The following CDH19 variants were observed in gnomAD, a reference collection of about 807,000 sequenced individuals.
CDH19 encodes cadherin 19.
A neutral mutation model predicts 64.2 loss-of-function variants in CDH19; 67 were observed. The ratio of observed to expected loss-of-function variants is 1.04; its 90% CI spans 0.86 to 1.28. The LOEUF is 1.28. Among genes scored for constraint, CDH19 ranks in the 50% most tolerant of loss-of-function variants. The probability of loss-of-function intolerance (pLI) is 0.00; values close to 1 mark genes in which losing one functional copy is unlikely to be tolerated. For missense variants in CDH19, 1,030 were observed against 929.0 expected (o/e 1.11, Z -1.41); for synonymous variants, 346 against 319.3 (o/e 1.08, Z -0.89).
At chr18:66,565,066 T>G (rs181993867) in intron 3 of CDH19, among the ~76,000 whole-genome samples, 5 of 152,050 alleles carry the variant, frequency 3.3e-5, no homozygotes, top group Admixed American at 2.0e-4. Flanking sequence ...ACCCATGTAC[T>G]CACTCATTTA....
intron 8 of CDH19, among the ~76,000 whole-genome samples, chr18:66,533,549 G>T (rs1332890272): frequency 6.6e-6 from 1 of 151,886 alleles, no homozygotes; most frequent in East Asian, 1.9e-4. Context: ...CCTAAACTTT[G>T]CTTGAAATTA....
chr18:66,596,033 C>A (rs1208489202), intron 1 of CDH19: 1 of 152,052 alleles, frequency 6.6e-6, no homozygotes, highest in Non-Finnish European at 1.5e-5. Context: ...AAATGTGATT[C>A]ATAACATAAG....
intron 1 of CDH19, 111 bp from the exon 2 acceptor site, chr18:66,572,427 A>T (rs1302108606): frequency 1.4e-5 from 5 of 363,532 alleles, no homozygotes; most frequent in African/African-American, 4.1e-5. Flanking sequence ...AATAAAAATA[A>T]ACATTTAATT....
intron 9 of CDH19, among the ~76,000 whole-genome samples, chr18:66,516,871 AT>A (rs1985762435): frequency 1.3e-5 from 2 of 152,138 alleles, no homozygotes; most frequent in South Asian, 4.1e-4. Flanking sequence ...AAATTGATAC[AT>A]TAAAGACATA....
At chr18:66,540,906 A>C (rs561202776) in intron 7 of CDH19, among the ~76,000 whole-genome samples, 37 of 152,300 alleles carry the variant, frequency 2.4e-4, no homozygotes, top group South Asian at 1.0e-3. Context: ...GAAGTTCTTA[A>C]TAATTTTATG....
chr18:66,504,703 C>T lies in CDH19; in HGVS notation c.*109G>A, dbSNP rs1161957061. The T allele has an allele frequency of 4.3e-6, 5 of 1,158,582 alleles. No homozygotes were observed. Among genetic ancestry groups the T allele is most frequent in the Non-Finnish European group, 6.0e-6 (5 of 834,078 alleles). 71.8% of individuals were successfully genotyped at this position (1,158,582 alleles called of 1,614,324 possible). ...TTACTCCAGGGAAATCAGAAAACTC[C>T]ATAGACTAGGGCTTTCCCCGCCATA... is the stretch of plus-strand genomic sequence containing the variant. On this transcript the variant is annotated 3_prime_UTR_variant, in exon 12 of 12. Transcript: ENST00000262150.
At position 66,581,083 on chromosome 18, in the gene CDH19, G is replaced by T. The variant is rs141616986; in HGVS notation, c.-112-8767C>A. On this transcript the variant is annotated intron_variant, in intron 1 of 11. Coordinates refer to ENST00000262150, the MANE Select transcript of CDH19 (RefSeq NM_021153.4). ...TCTTGTTTATATTTTCCAATCAGAT[G>T]AATATGCTAAAAAATCTACCTAACA... Among the ~76,000 whole-genome samples, 128 of 152,128 alleles carry T rather than the reference G, an allele frequency of 8.4e-4. 2 individuals carry two copies. In the East Asian group the frequency reaches 0.022, roughly 27 times the overall value.
At chr18:66,560,720 C>T (rs1392754428) in intron 3 of CDH19, among the ~76,000 whole-genome samples, 1 of 151,948 alleles carries the variant, frequency 6.6e-6, no homozygotes, top group Non-Finnish European at 1.5e-5. Flanking sequence ...TCTTACTCTA[C>T]TGAAGAAGGG....
At chr18:66,547,375 A>T (rs1317489352) in intron 5 of CDH19, among the ~76,000 whole-genome samples, 1 of 152,016 alleles carries the variant, frequency 6.6e-6, no homozygotes, top group Non-Finnish European at 1.5e-5. Context: ...GTGTATGTGC[A>T]TTTGCTCCAA....
intron 9 of CDH19, among the ~76,000 whole-genome samples, chr18:66,521,108 A>G (rs936495023): frequency 6.6e-6 from 1 of 152,078 alleles, no homozygotes; most frequent in Non-Finnish European, 1.5e-5. Context: ...AATTCATCAA[A>G]CCAATCTATG....
intron 1 of CDH19, among the ~76,000 whole-genome samples, chr18:66,592,960 T>C (rs1408023296): frequency 2.6e-5 from 4 of 151,914 alleles, no homozygotes; most frequent in Non-Finnish European, 4.4e-5. Context: ...GTTCTATTTT[T>C]AGTTTTTGGA....
intron 9 of CDH19, among the ~76,000 whole-genome samples, chr18:66,526,100 T>C (rs1264110539): frequency 1.3e-5 from 2 of 152,096 alleles, no homozygotes; most frequent in Non-Finnish European, 2.9e-5. Context: ...GTGTGCATAA[T>C]CTAAAGAGAG....
chr18:66,518,979 A>G (rs72954408), intron 9 of CDH19, among the ~76,000 whole-genome samples: 1 of 152,150 alleles, frequency 6.6e-6, no homozygotes, highest in Non-Finnish European at 1.5e-5. Context: ...GTTACATCTT[A>G]TGTACCTGTA....
chr18:66,581,456 A>G (rs1988419049), intron 1 of CDH19, among the ~76,000 whole-genome samples: 2 of 152,052 alleles, frequency 1.3e-5, no homozygotes, highest in East Asian at 3.9e-4. Context: ...AGAGGAGATT[A>G]ACATTAGAGT....
intron 11 of CDH19, among the ~76,000 whole-genome samples, chr18:66,505,586 G>T (rs929042322): frequency 6.8e-6 from 1 of 146,762 alleles, no homozygotes; most frequent in African/African-American, 2.5e-5. Flanking sequence ...AATATATATA[G>T]TGAACTATAT....
chr18:66,548,116 AATATTAT>A (rs992582599), intron 5 of CDH19, among the ~76,000 whole-genome samples: 13 of 146,676 alleles, frequency 8.9e-5, no homozygotes, highest in African/African-American at 1.5e-4. Context: ...TATTATATAA[AATATTAT>A]ATATTATATA....
chr18:66,578,475 C>A (rs1248334166), intron 1 of CDH19, among the ~76,000 whole-genome samples: 1 of 151,796 alleles, frequency 6.6e-6, no homozygotes, highest in East Asian at 1.9e-4. Context: ...CTGACCTTAT[C>A]AAGTACTGAA....
At chr18:66,521,526 TG>T (rs869246131) in intron 9 of CDH19, among the ~76,000 whole-genome samples, 3,800 of 69,940 alleles carry the variant, frequency 0.054, 145 homozygotes, top group African/African-American at 0.15. Context: ...TTATTTATTT[TG>T]TTTGTTTGTT....
chr18:66,520,339 CTG>C (rs562230777), intron 9 of CDH19, among the ~76,000 whole-genome samples: 30 of 107,274 alleles, frequency 2.8e-4, no homozygotes, highest in Admixed American at 7.4e-4. Context: ...AAGAAAATAG[CTG>C]TTTTTTTTTT....
Sources: allele counts gnomAD v4.1 joint callset (sites outside exome capture counted in the v4.1 genomes callset), GRCh38; gene constraint gnomAD v4.1.1; transcripts MANE v1.5; gene names NCBI Gene and HGNC (gene_info 2026-07-23, HGNC 2026-07-21).